TOX: variants seen among roughly 807,000 people sequenced by gnomAD.
The protein encoded by TOX is thymocyte selection-associated high mobility group box protein TOX.
TOX carries 11 observed loss-of-function variants against 53.7 expected under a neutral mutation model. The observed-to-expected ratio is 0.20, with a 90% CI of 0.13 to 0.34. TOX has a LOEUF of 0.34. TOX is among the 10% of genes least tolerant of loss of function. TOX has a pLI of 1.00. For missense variants in TOX, 570 were observed against 664.6 expected, an observed-to-expected ratio of 0.86 and a Z score of 1.56; for synonymous variants, 225 against 245.3, an observed-to-expected ratio of 0.92 and a Z score of 0.77.
At chr8:58,903,008 A>C (rs975844983) in intron 3 of TOX, among the ~76,000 whole-genome samples, 1 of 152,238 alleles carries the variant, frequency 6.6e-6, no homozygotes, top group African/African-American at 2.4e-5. Flanking sequence ...TGAATCATGA[A>C]AATGAGAATA....
chr8:59,086,023 T>C (rs1804502859), intron 1 of TOX, among the ~76,000 whole-genome samples: 1 of 150,008 alleles, frequency 6.7e-6, no homozygotes, highest in Non-Finnish European at 1.5e-5. Flanking sequence ...TTCATTCTTG[T>C]TGTCCAGGCT....
At chr8:58,816,518 C>T (rs1269761099) in intron 6 of TOX, among the ~76,000 whole-genome samples, 1 of 152,130 alleles carries the variant, frequency 6.6e-6, no homozygotes, top group Non-Finnish European at 1.5e-5. Flanking sequence ...AGAATTAACC[C>T]TGTGGCAATT....
intron 1 of TOX, among the ~76,000 whole-genome samples, chr8:59,098,833 T>C (rs1461667363): frequency 1.3e-5 from 2 of 152,206 alleles, no homozygotes; most frequent in Admixed American, 6.5e-5. Context: ...ACTTGCCCTA[T>C]GAGTACAGGG....
chr8:58,826,726 G>T, intron 6 of TOX, 96 bp downstream of exon 6: 1 of 1,035,704 alleles, frequency 9.7e-7, no homozygotes, highest in Non-Finnish European at 1.4e-6. Context: ...AGATTGTGCA[G>T]AATCGTTAAA....
chr8:58,886,627 G>A (rs1811472591), intron 3 of TOX, among the ~76,000 whole-genome samples: 1 of 152,020 alleles, frequency 6.6e-6, no homozygotes, highest in Admixed American at 6.6e-5. Context: ...TCAAGCAAAT[G>A]TTAGGAGTGA....
intron 3 of TOX, among the ~76,000 whole-genome samples, chr8:58,867,782 C>A (rs116489977): frequency 0.015 from 2,214 of 152,244 alleles, 60 homozygotes; most frequent in African/African-American, 0.05. Flanking sequence ...CTCTCCTGAC[C>A]AGAATCTAAA....
At chr8:58,867,406 G>T (rs1284012083) in intron 3 of TOX, among the ~76,000 whole-genome samples, 1 of 152,188 alleles carries the variant, frequency 6.6e-6, no homozygotes, top group African/African-American at 2.4e-5. Flanking sequence ...CCATTCTGGG[G>T]GTGGGGGTTG....
chr8:59,104,609 A>C (rs1804864059), intron 1 of TOX, among the ~76,000 whole-genome samples: 1 of 152,228 alleles, frequency 6.6e-6, no homozygotes, highest in Non-Finnish European at 1.5e-5. Flanking sequence ...CTTAATATGT[A>C]GGTCAAGAAG....
intron 5 of TOX, among the ~76,000 whole-genome samples, chr8:58,828,730 C>T (rs1175602131): frequency 6.6e-6 from 1 of 151,806 alleles, no homozygotes; most frequent in Non-Finnish European, 1.5e-5. Flanking sequence ...TTTTGAGAGA[C>T]AGATTTCTGT....
intron 2 of TOX, among the ~76,000 whole-genome samples, chr8:58,955,795 C>A (rs565000022): frequency 2.5e-4 from 37 of 146,522 alleles, no homozygotes; most frequent in African/African-American, 8.9e-4. Flanking sequence ...AGTGCAGTGG[C>A]GTGATCTTGG....
chr8:58,832,946 AC>A (rs989279021), intron 5 of TOX, among the ~76,000 whole-genome samples: 1 of 152,216 alleles, frequency 6.6e-6, no homozygotes, highest in Non-Finnish European at 1.5e-5. Flanking sequence ...CAGTATTCAA[AC>A]AGTTTCCCTG....
At chr8:59,025,410 A>C (rs1585971607) in intron 1 of TOX, among the ~76,000 whole-genome samples, 1 of 152,098 alleles carries the variant, frequency 6.6e-6, no homozygotes, top group African/African-American at 2.4e-5. Flanking sequence ...AGGCCAGTCC[A>C]CCCTCCACGG....
chr8:58,974,793 A>G (rs1332643237), intron 1 of TOX, among the ~76,000 whole-genome samples: 1 of 152,202 alleles, frequency 6.6e-6, no homozygotes, highest in Non-Finnish European at 1.5e-5. Flanking sequence ...TTATCCTTTC[A>G]TGCGAAAAAC....
At chr8:58,968,544 T>C (rs1263759827) in intron 1 of TOX, among the ~76,000 whole-genome samples, 1 of 152,198 alleles carries the variant, frequency 6.6e-6, no homozygotes, top group Admixed American at 6.5e-5. Flanking sequence ...CTGCCGAAAC[T>C]CACTTATTTC....
At chr8:58,895,676 G>A (rs768162668) in intron 3 of TOX, among the ~76,000 whole-genome samples, 1 of 152,170 alleles carries the variant, frequency 6.6e-6, no homozygotes, top group Non-Finnish European at 1.5e-5. Context: ...GGCGTCATAG[G>A]CTTCTGTTCT....
At chr8:58,922,457 G>T (rs991039399) in intron 3 of TOX, among the ~76,000 whole-genome samples, 73 of 152,280 alleles carry the variant, frequency 4.8e-4, no homozygotes, top group African/African-American at 1.5e-3. Context: ...AATATGAACT[G>T]TGACCTTTCC....
chr8:58,932,870 G>A (rs1034892611), intron 3 of TOX, among the ~76,000 whole-genome samples: 1 of 152,106 alleles, frequency 6.6e-6, no homozygotes, highest in African/African-American at 2.4e-5. Context: ...TACCATGACT[G>A]AATGCTAAAA....
chr8:58,885,428 G>T (rs1460931322), intron 3 of TOX, among the ~76,000 whole-genome samples: 1 of 152,012 alleles, frequency 6.6e-6, no homozygotes, highest in Admixed American at 6.6e-5. Flanking sequence ...TTTAAACTAT[G>T]TATAAAATAT....
intron 3 of TOX, among the ~76,000 whole-genome samples, chr8:58,935,472 G>A (rs1018859784): frequency 6.6e-6 from 1 of 152,058 alleles, no homozygotes; most frequent in African/African-American, 2.4e-5. Context: ...TTCCCAGGAT[G>A]GCTTCTACTC....
Sources: allele counts gnomAD v4.1 joint callset (sites outside exome capture counted in the v4.1 genomes callset), GRCh38; gene constraint gnomAD v4.1.1; transcripts MANE v1.5; gene names NCBI Gene and HGNC (gene_info 2026-07-23, HGNC 2026-07-21).